Variants in TRIM14 observed in about 807,000 individuals in gnomAD.
The protein encoded by TRIM14 is tripartite motif containing 14, also known as tripartite motif-containing protein 14.
In TRIM14, 28 loss-of-function variants were observed where a neutral mutation model predicts 44.5. That is an observed-to-expected ratio of 0.63 (90% CI 0.47 to 0.86). TRIM14 has a LOEUF of 0.86. Ranked by LOEUF, TRIM14 falls within the 40% of genes least tolerant of loss-of-function variation. The probability of loss-of-function intolerance (pLI) is 0.00; values close to 1 mark genes in which losing one functional copy is unlikely to be tolerated. For missense variants in TRIM14, 607 were observed against 611.1 expected (o/e 0.99, Z 0.07); for synonymous variants, 299 against 269.2 (o/e 1.11, Z -1.08).
the TRIM14 span, among the ~76,000 whole-genome samples, chr9:98,050,347 C>A: frequency 6.6e-6 from 1 of 152,212 alleles, no homozygotes; most frequent in African/African-American, 2.4e-5. Flanking sequence ...ACCATCCCAG[C>A]ATAAATATAC....
At chr9:98,097,023 G>A (rs1826210979) in intron 3 of TRIM14, among the ~76,000 whole-genome samples, 1 of 152,116 alleles carries the variant, frequency 6.6e-6, no homozygotes, top group African/African-American at 2.4e-5. Flanking sequence ...GTGAAACACT[G>A]TCTCTACTAA....
the TRIM14 span, among the ~76,000 whole-genome samples, chr9:98,051,936 G>T: frequency 6.6e-6 from 1 of 152,154 alleles, no homozygotes; most frequent in Middle Eastern, 3.4e-3. Context: ...GCCTCTAGGT[G>T]GTCAAGAGCG....
Position 98,085,546 on chromosome 9 carries a change from A to C in TRIM14, c.*1924T>G, listed in dbSNP as rs147892046. The C allele has an allele frequency of 6.6e-6, 1 of 152,198 alleles. No homozygotes were observed. Among genetic ancestry groups the C allele is most frequent in the African/African-American group, 2.4e-5 (1 of 41,408 alleles). The allele number at this position is 152,198 out of a possible 1,614,324, so 9.4% of individuals were successfully genotyped here. On this transcript the variant is annotated 3_prime_UTR_variant, in exon 6 of 6. Coordinates refer to ENST00000341469, the MANE Select transcript of TRIM14 (RefSeq NM_014788.4). ...GGTCTTGGTCATCAGGGATGGGCAG[A>C]AATGTTGGGGTCAAGTGTATTCATC...
chr9:98,103,754 C>T (rs1729632232), intron 2 of TRIM14, among the ~76,000 whole-genome samples: 1 of 151,508 alleles, frequency 6.6e-6, no homozygotes, highest in African/African-American at 2.4e-5. Flanking sequence ...AGGAGAATCG[C>T]CTGAACCCGG....
At position 98,087,098 on chromosome 9, in the gene TRIM14, C is replaced by T. The variant is rs1037550540; in HGVS notation, c.*372G>A. 6 of 466,104 alleles carry T rather than the reference C, an allele frequency of 1.3e-5. No homozygotes were observed. The highest frequency in any genetic ancestry group is 2.1e-5 in the Non-Finnish European group (5 of 236,722). The allele number at this position is 466,104 out of a possible 1,614,324, so 28.9% of individuals were successfully genotyped here. ...TTCACAAACGTTTACTGTGTGCCTA[C>T]TATGTGTCAGGTTCCTGTGCTGTAC... On this transcript the variant is annotated 3_prime_UTR_variant, in exon 6 of 6. Coordinates refer to ENST00000341469, the MANE Select transcript of TRIM14 (RefSeq NM_014788.4).
the TRIM14 span, among the ~76,000 whole-genome samples, chr9:98,042,022 C>T: frequency 2.1e-4 from 32 of 151,330 alleles, no homozygotes; most frequent in Admixed American, 3.9e-4. Context: ...TGGCCGGGCG[C>T]GGTGGCTCAT....
Position 98,087,401 on chromosome 9 carries a change from G to A in TRIM14, c.*69C>T. ...AGGCAGTAAGGGGACCAGCCACGCTGATCTAGGTAGATTAGGCGAGACTGG... is the reference window on the plus strand; with the variant it reads ...AGGCAGTAAGGGGACCAGCCACGCTAATCTAGGTAGATTAGGCGAGACTGG... On this transcript the variant is annotated 3_prime_UTR_variant, in exon 6 of 6. Transcript: ENST00000341469. 1.2e-6 allele frequency: 2 copies of A among 1,607,722 alleles called. No individual in the cohort carries two copies. Among genetic ancestry groups the A allele is most frequent in the Non-Finnish European group, 1.7e-6 (2 of 1,174,800 alleles).
At chr9:98,076,792 A>G in intron 6 of TRIM14, 1 of 692,164 alleles carries the variant, frequency 1.4e-6, no homozygotes, top group Admixed American at 3.1e-5. Context: ...CCTGCTTTCA[A>G]GTTGCTGAGC....
the TRIM14 span, chr9:98,056,767 G>A: frequency 1.9e-6 from 3 of 1,600,238 alleles, no homozygotes; most frequent in South Asian, 1.1e-5. Context: ...GCGGCGGCCG[G>A]ACCCAGACTG....
downstream of TRIM14, chr9:98,080,680 G>T: frequency 1.1e-6 from 1 of 907,130 alleles, no homozygotes; most frequent in East Asian, 2.7e-5. Flanking sequence ...GAGAGGCTCA[G>T]AGAGCCTCAG....
At chr9:98,071,222 ACTGTATGGTACACACCTCAG>A (rs1564160349) in intron 6 of TRIM14, among the ~76,000 whole-genome samples, 1 of 152,198 alleles carries the variant, frequency 6.6e-6, no homozygotes, top group African/African-American at 2.4e-5. Flanking sequence ...TGATGGCACG[ACTGTATGGTACACACCTCAG>A]CTGTATGGTA....
At chr9:98,055,033 T>G in the TRIM14 span, among the ~76,000 whole-genome samples, 2 of 152,172 alleles carry the variant, frequency 1.3e-5, no homozygotes, top group Non-Finnish European at 1.5e-5. Context: ...GTTTGTTTGT[T>G]TTTGAAATGG....
At chr9:98,056,860 C>G in the TRIM14 span, 55 of 1,612,262 alleles carry the variant, frequency 3.4e-5, no homozygotes, top group Middle Eastern at 3.3e-4. Context: ...CGGGCAACAC[C>G]CGTGCTTCAT....
intron 4 of TRIM14, chr9:98,092,458 G>A: frequency 5.4e-6 from 2 of 367,386 alleles, no homozygotes; most frequent in Non-Finnish European, 1.1e-5. Context: ...TGCCCAGGTT[G>A]CCTCCTTCCC....
downstream of TRIM14, among the ~76,000 whole-genome samples, chr9:98,079,945 G>A (rs1015660225): frequency 2.6e-5 from 4 of 152,224 alleles, no homozygotes; most frequent in Non-Finnish European, 4.4e-5. Flanking sequence ...CAGACACCGT[G>A]GCTCATGCCA....
At chr9:98,081,240 C>T (rs1829847397), downstream of TRIM14, 2 of 925,982 alleles carry the variant, frequency 2.2e-6, no homozygotes, top group Middle Eastern at 5.8e-4. Flanking sequence ...GGCTTCTCTT[C>T]AGTAATGCAT....
chr9:98,060,832 G>T, the TRIM14 span: 1 of 1,614,206 alleles, frequency 6.2e-7, no homozygotes, highest in South Asian at 1.1e-5. Flanking sequence ...TAGAATTCAA[G>T]TTTAATCGGA....
At chr9:98,114,302 C>A (rs886671031) in intron 1 of TRIM14, among the ~76,000 whole-genome samples, 2 of 152,150 alleles carry the variant, frequency 1.3e-5, no homozygotes, top group Admixed American at 6.5e-5. Flanking sequence ...CATCTTTGAC[C>A]GTGGCTATTC....
At chr9:98,081,235 C>A (rs532705196), downstream of TRIM14, 1 of 982,986 alleles carries the variant, frequency 1.0e-6, no homozygotes, top group African/African-American at 1.6e-5. Flanking sequence ...CTTCAGGCTT[C>A]TCTTCAGTAA....
Sources: allele counts gnomAD v4.1 joint callset (sites outside exome capture counted in the v4.1 genomes callset), GRCh38; gene constraint gnomAD v4.1.1; transcripts MANE v1.5; gene names NCBI Gene and HGNC (gene_info 2026-07-23, HGNC 2026-07-21).